The following DLG2 variants were observed in gnomAD, a reference collection of about 807,000 sequenced individuals.
The protein encoded by DLG2 is disks large homolog 2.
Under a neutral mutation model 132.5 loss-of-function variants are expected in DLG2, and 45 were observed. The observed-to-expected ratio is 0.34, with a 90% CI of 0.27 to 0.44. The LOEUF is 0.44. Among genes scored for constraint, DLG2 ranks in the 20% least tolerant of loss-of-function variants. The pLI, the probability that DLG2 is intolerant of heterozygous loss-of-function variation, is 1.00. For missense variants in DLG2, 1,045 were observed against 1,196.9 expected, an observed-to-expected ratio of 0.87 and a Z score of 1.87; for synonymous variants, 424 against 419.6, an observed-to-expected ratio of 1.01 and a Z score of -0.13.
chr11:84,050,697 AG>A (rs758355845), intron 11 of DLG2, among the ~76,000 whole-genome samples: 25 of 151,974 alleles, frequency 1.6e-4, no homozygotes, highest in Non-Finnish European at 3.2e-4. Flanking sequence ...TTTTTGTGTA[AG>A]GTGTAAGGAA....
In DLG2 at chr11:83,873,552, C is replaced by G. The variant is rs78087211; in HGVS notation, c.1565+868G>C. Reference sequence around the variant, plus strand: ...TTGCCATCTGCCATGATTGTGAGGCCTCCCTAGCTACATGGAAATGCAACT... The same window carrying G: ...TTGCCATCTGCCATGATTGTGAGGCGTCCCTAGCTACATGGAAATGCAACT... On this transcript the variant is annotated intron_variant, in intron 16 of 27. Transcript: ENST00000376104. Among the ~76,000 whole-genome samples the G allele has an allele frequency of 4.2e-3, 643 of 152,270 alleles. 5 individuals carry two copies. The highest frequency in any genetic ancestry group is 0.015 in the African/African-American group (612 of 41,546).
At chr11:83,762,077 A>C (rs1320043866) in intron 18 of DLG2, among the ~76,000 whole-genome samples, 2 of 152,244 alleles carry the variant, frequency 1.3e-5, no homozygotes, top group Non-Finnish European at 2.9e-5. Context: ...TATGTAAGTA[A>C]AAATGCATTT....
chr11:85,129,980 A>C (rs905255459), intron 5 of DLG2, among the ~76,000 whole-genome samples: 2 of 152,118 alleles, frequency 1.3e-5, no homozygotes, highest in African/African-American at 4.8e-5. Flanking sequence ...ACCACATGTT[A>C]TCATTCGTAA....
At chr11:84,568,996 G>T (rs918285539) in intron 6 of DLG2, among the ~76,000 whole-genome samples, 2 of 152,096 alleles carry the variant, frequency 1.3e-5, no homozygotes, top group African/African-American at 4.8e-5. Context: ...ATCACAAAGA[G>T]CAAAATTGCC....
intron 6 of DLG2, among the ~76,000 whole-genome samples, chr11:84,894,325 A>C (rs546547948): frequency 1.3e-5 from 2 of 152,284 alleles, no homozygotes; most frequent in African/African-American, 4.8e-5. Flanking sequence ...AATTTTCTTT[A>C]AATTGTCCCT....
intron 4 of DLG2, among the ~76,000 whole-genome samples, chr11:85,258,605 G>A (rs2076783748): frequency 6.6e-6 from 1 of 152,130 alleles, no homozygotes; most frequent in Non-Finnish European, 1.5e-5. Context: ...ATGTTTGTAA[G>A]CATATACCAG....
At chr11:85,261,194 AG>A (rs1208731595) in intron 4 of DLG2, among the ~76,000 whole-genome samples, 1 of 152,124 alleles carries the variant, frequency 6.6e-6, no homozygotes, top group Non-Finnish European at 1.5e-5. Context: ...GAAGTTTTAT[AG>A]GGTCATGCTG....
At chr11:84,114,275 TAGAAC>T (rs2093517868) in intron 9 of DLG2, among the ~76,000 whole-genome samples, 1 of 152,206 alleles carries the variant, frequency 6.6e-6, no homozygotes, top group Non-Finnish European at 1.5e-5. Flanking sequence ...CAAAATGTTT[TAGAAC>T]TGTTTTTGTA....
intron 6 of DLG2, among the ~76,000 whole-genome samples, chr11:85,098,801 T>C (rs150328794): frequency 1.6e-4 from 25 of 152,338 alleles, no homozygotes; most frequent in African/African-American, 5.3e-4. Context: ...TGAATGCCAT[T>C]AATTATTTTA....
intron 6 of DLG2, among the ~76,000 whole-genome samples, chr11:84,840,850 G>T (rs2080550305): frequency 1.3e-5 from 2 of 152,004 alleles, no homozygotes; most frequent in African/African-American, 4.8e-5. Context: ...TGGGGTAGGG[G>T]GCAGGGGGAG....
At chr11:85,463,280 G>T (rs755059425) in intron 3 of DLG2, among the ~76,000 whole-genome samples, 14 of 152,140 alleles carry the variant, frequency 9.2e-5, no homozygotes, top group Non-Finnish European at 2.1e-4. Flanking sequence ...CTGCAAAGTG[G>T]TTAAAAATGA....
intron 3 of DLG2, among the ~76,000 whole-genome samples, chr11:85,479,886 G>A (rs1565555719): frequency 6.6e-6 from 1 of 152,084 alleles, no homozygotes; most frequent in Admixed American, 6.5e-5. Flanking sequence ...TCAAATCTTT[G>A]TTCAAATTTC....
intron 9 of DLG2, among the ~76,000 whole-genome samples, chr11:84,137,952 C>A (rs566326427): frequency 6.6e-6 from 1 of 152,118 alleles, no homozygotes; most frequent in Non-Finnish European, 1.5e-5. Context: ...CAAGAATCCC[C>A]TTGTTAGCTG....
intron 18 of DLG2, among the ~76,000 whole-genome samples, chr11:83,638,164 A>G (rs1286028375): frequency 6.6e-6 from 1 of 152,094 alleles, no homozygotes; most frequent in Non-Finnish European, 1.5e-5. Flanking sequence ...CTCCACCTCT[A>G]TATATGATAA....
chr11:85,255,969 T>C (rs2076645302), intron 4 of DLG2, among the ~76,000 whole-genome samples: 1 of 152,192 alleles, frequency 6.6e-6, no homozygotes, highest in Admixed American at 6.5e-5. Flanking sequence ...AAAATTTTCA[T>C]ATCTTCAGCT....
intron 6 of DLG2, among the ~76,000 whole-genome samples, chr11:84,912,785 C>G (rs1050162456): frequency 6.6e-6 from 1 of 152,080 alleles, no homozygotes; most frequent in Non-Finnish European, 1.5e-5. Context: ...CAGTAGGTCT[C>G]GCAGAAGGTA....
intron 6 of DLG2, among the ~76,000 whole-genome samples, chr11:84,596,360 A>ACCATGC (rs2099557106): frequency 6.7e-6 from 1 of 148,280 alleles, no homozygotes. Context: ...GGTGTGTGTC[A>ACCATGC]CCATGCCCAG....
chr11:83,663,454 T>C (rs578154089), intron 18 of DLG2, among the ~76,000 whole-genome samples: 1 of 152,300 alleles, frequency 6.6e-6, no homozygotes, highest in Non-Finnish European at 1.5e-5. Context: ...CAAAGGACAT[T>C]CATTCCCAAG....
chr11:84,706,352 C>T (rs1295205531), intron 6 of DLG2, among the ~76,000 whole-genome samples: 2 of 151,722 alleles, frequency 1.3e-5, no homozygotes, highest in Non-Finnish European at 1.5e-5. Context: ...AGATTATATA[C>T]AAGGAAAGAT....
Sources: gnomAD v4.1 joint callset for allele counts (sites outside exome capture counted in the v4.1 genomes callset) on GRCh38, gnomAD v4.1.1 for gene constraint, MANE v1.5 for transcripts, NCBI Gene and HGNC (gene_info 2026-07-23, HGNC 2026-07-21) for gene names.